Variants in ARHGAP10 observed in about 807,000 individuals in gnomAD.
ARHGAP10 encodes the protein Rho GTPase activating protein 10, also known as rho GTPase-activating protein 10.
Under a neutral mutation model 108.6 loss-of-function variants are expected in ARHGAP10, and 87 were observed. That is an observed-to-expected ratio of 0.80 (90% CI 0.67 to 0.96). The LOEUF (loss-of-function observed/expected upper bound fraction) is 0.96. Ranked by LOEUF, ARHGAP10 falls within the 40% of genes least tolerant of loss-of-function variation. The pLI is 0.00. For synonymous variants in ARHGAP10, 347 were observed against 341.1 expected, an observed-to-expected ratio of 1.02 and a Z score of -0.19; for missense variants, 939 against 954.5, an observed-to-expected ratio of 0.98 and a Z score of 0.21.
intron 1 of ARHGAP10, among the ~76,000 whole-genome samples, chr4:147,778,888 GACTTAA>G (rs141989153): frequency 0.017 from 2,609 of 152,284 alleles, 69 homozygotes; most frequent in African/African-American, 0.06. Context: ...ATGGTGGAAG[GACTTAA>G]ACTTTAATTT....
rs187085877 is a variant in ARHGAP10, at chr4:147,999,452, G to A, written c.1717-23811G>A. On this transcript the variant is annotated intron_variant, in intron 18 of 22. Transcript: ENST00000336498. ...TGCTGGCTGTCCACCACTGCTGTTC[G>A]CTGCCATTGCAGCCCCACCACTGAC... Among the ~76,000 whole-genome samples the A allele has an allele frequency of 5.7e-3, 868 of 152,230 alleles. 4 individuals are homozygous for A. Among genetic ancestry groups the A allele is most frequent in the Non-Finnish European group, 7.5e-3 (511 of 68,014 alleles).
chr4:147,911,645 A>T (rs1451389795), intron 12 of ARHGAP10, among the ~76,000 whole-genome samples: 1 of 143,082 alleles, frequency 7.0e-6, no homozygotes, highest in Non-Finnish European at 1.5e-5. Flanking sequence ...TACAGGCGTG[A>T]GCCACCGCGC....
intron 1 of ARHGAP10, among the ~76,000 whole-genome samples, chr4:147,766,772 G>A (rs899988943): frequency 5.8e-5 from 8 of 138,498 alleles, no homozygotes; most frequent in African/African-American, 2.2e-4. Flanking sequence ...TATATTTTGA[G>A]CTCATATATA....
chr4:148,066,868 G>A (rs1424191611), intron 22 of ARHGAP10, among the ~76,000 whole-genome samples: 2 of 152,232 alleles, frequency 1.3e-5, no homozygotes, highest in African/African-American at 2.4e-5. Context: ...AGACGTATGG[G>A]GGAGAGGCTG....
intron 13 of ARHGAP10, among the ~76,000 whole-genome samples, chr4:147,930,788 T>A (rs2126948211): frequency 6.6e-6 from 1 of 152,338 alleles, no homozygotes; most frequent in African/African-American, 2.4e-5. Context: ...TTCATCACAT[T>A]TATTTGCCAG....
chr4:148,006,398 C>T (rs183250069), intron 18 of ARHGAP10, among the ~76,000 whole-genome samples: 141 of 152,276 alleles, frequency 9.3e-4, no homozygotes, highest in Middle Eastern at 3.4e-3. Context: ...AATATATGAC[C>T]CTTGTCAGCC....
chr4:147,946,804 G>A (rs148172573), intron 15 of ARHGAP10, 100 bp downstream of exon 15: 4 of 963,650 alleles, frequency 4.2e-6, no homozygotes, highest in African/African-American at 1.7e-5. Flanking sequence ...GTTAAATTAA[G>A]CCTTATTTTA....
intron 22 of ARHGAP10, among the ~76,000 whole-genome samples, chr4:148,070,799 C>T (rs1287859799): frequency 6.6e-6 from 1 of 152,164 alleles, no homozygotes; most frequent in Non-Finnish European, 1.5e-5. Flanking sequence ...CATGCCTCCC[C>T]TTTCCTTTAT....
chr4:147,875,599 G>A lies in ARHGAP10; in HGVS notation c.832+449G>A, dbSNP rs546605129. On this transcript the variant is annotated intron_variant, in intron 8 of 22. Transcript: ENST00000336498. ...CTCCCTCCCATAACCCTGCCTCTCT[G>A]TCATCTTAAGGTCAAGAGGGACATA... Among the ~76,000 whole-genome samples, 54 of 152,188 alleles carry A rather than the reference G, an allele frequency of 3.5e-4. No individual in the cohort carries two copies. The South Asian group carries it at 0.01, about 29-fold the overall frequency.
At chr4:147,771,256 G>C (rs1730067128) in intron 1 of ARHGAP10, among the ~76,000 whole-genome samples, 1 of 152,164 alleles carries the variant, frequency 6.6e-6, no homozygotes, top group Non-Finnish European at 1.5e-5. Context: ...ATGAGTACTT[G>C]AGGGACATGT....
At chr4:147,901,937 G>A (rs1736266538) in intron 10 of ARHGAP10, among the ~76,000 whole-genome samples, 1 of 152,204 alleles carries the variant, frequency 6.6e-6, no homozygotes, top group Admixed American at 6.5e-5. Context: ...AACTAGAGAG[G>A]ACAAGGAATT....
chr4:147,882,340 G>A (rs1360047427), intron 10 of ARHGAP10, among the ~76,000 whole-genome samples: 1 of 152,042 alleles, frequency 6.6e-6, no homozygotes, highest in African/African-American at 2.4e-5. Context: ...GCATACACCT[G>A]TAGTCCCAGC....
chr4:147,904,127 C>T (rs1392442774), intron 10 of ARHGAP10, among the ~76,000 whole-genome samples: 1 of 152,120 alleles, frequency 6.6e-6, no homozygotes, highest in Non-Finnish European at 1.5e-5. Context: ...TTGGTGTTGT[C>T]AGTGTTTTGG....
chr4:147,781,583 A>G (rs1453450172), intron 1 of ARHGAP10, among the ~76,000 whole-genome samples: 2 of 151,942 alleles, frequency 1.3e-5, no homozygotes, highest in Non-Finnish European at 2.9e-5. Flanking sequence ...TATTATGACT[A>G]TGTTGCCATA....
chr4:148,003,386 A>G (rs1740810209), intron 18 of ARHGAP10, among the ~76,000 whole-genome samples: 1 of 152,212 alleles, frequency 6.6e-6, no homozygotes, highest in Non-Finnish European at 1.5e-5. Context: ...AAGAATTTAT[A>G]TTCTGTCGAT....
intron 18 of ARHGAP10, among the ~76,000 whole-genome samples, chr4:147,969,884 A>C (rs1411421237): frequency 6.6e-6 from 1 of 152,190 alleles, no homozygotes; most frequent in Non-Finnish European, 1.5e-5. Flanking sequence ...AACGTTAATT[A>C]AGTGCTCTCA....
At chr4:147,762,680 C>T (rs1013868831) in intron 1 of ARHGAP10, among the ~76,000 whole-genome samples, 3 of 151,026 alleles carry the variant, frequency 2.0e-5, no homozygotes, top group Middle Eastern at 3.2e-3. Flanking sequence ...CAGGTGCCTG[C>T]CACCACGCCC....
In ARHGAP10 at chr4:148,064,344, G is replaced by A. The variant is rs942432429; in HGVS notation, c.2181-72G>A. ...GACATCAGTGAGATTTGGGGAAGGG[G>A]GGTTGGGGGGTGAAGTTTCTCTCTG... On this transcript the variant is annotated intron_variant, in intron 21 of 22. Transcript: ENST00000336498. 1.6e-5 allele frequency: 22 copies of A among 1,393,640 alleles called. No homozygotes were observed. The Middle Eastern group carries it at 6.4e-4, about 40-fold the overall frequency. 86.3% of individuals were successfully genotyped at this position (1,393,640 alleles called of 1,614,324 possible).
At chr4:147,833,747 G>A (rs1421072620) in intron 3 of ARHGAP10, among the ~76,000 whole-genome samples, 5 of 152,164 alleles carry the variant, frequency 3.3e-5, no homozygotes, top group African/African-American at 9.7e-5. Flanking sequence ...GGATTTTTTT[G>A]TGGTAGGATA....
Sources: allele counts gnomAD v4.1 joint callset (sites outside exome capture counted in the v4.1 genomes callset), GRCh38; gene constraint gnomAD v4.1.1; transcripts MANE v1.5; gene names NCBI Gene and HGNC (gene_info 2026-07-23, HGNC 2026-07-21).